Variants in RABGAP1L observed in about 807,000 individuals in gnomAD.
The protein encoded by RABGAP1L is rab GTPase-activating protein 1-like.
In RABGAP1L, 63 loss-of-function variants were observed where a neutral mutation model predicts 137.7. That is an observed-to-expected ratio of 0.46 (90% CI 0.37 to 0.56). The LOEUF (loss-of-function observed/expected upper bound fraction) is 0.56. RABGAP1L is among the 20% of genes least tolerant of loss of function. RABGAP1L has a pLI of 0.00. For synonymous variants in RABGAP1L, 431 were observed against 433.7 expected (o/e 0.99, Z 0.08); for missense variants, 1,095 against 1,244.0 (o/e 0.88, Z 1.80).
intron 13 of RABGAP1L, among the ~76,000 whole-genome samples, chr1:174,565,168 G>A (rs1259307413): frequency 6.6e-6 from 1 of 152,106 alleles, no homozygotes; most frequent in African/African-American, 2.4e-5. Flanking sequence ...GGTGGAATAT[G>A]TGAGTTTTCT....
chr1:174,515,120 G>C (rs140617677), intron 13 of RABGAP1L, among the ~76,000 whole-genome samples: 2 of 152,090 alleles, frequency 1.3e-5, no homozygotes, highest in African/African-American at 4.8e-5. Flanking sequence ...TCAATGCGTT[G>C]TTATTTACTA....
intron 18 of RABGAP1L, among the ~76,000 whole-genome samples, chr1:174,759,608 A>C (rs1685058503): frequency 1.3e-5 from 2 of 151,888 alleles, no homozygotes; most frequent in East Asian, 3.9e-4. Context: ...AAAAAAAAAA[A>C]GAAAAAAAAT....
intron 13 of RABGAP1L, among the ~76,000 whole-genome samples, chr1:174,417,990 T>A (rs1650803955): frequency 6.6e-6 from 1 of 152,230 alleles, no homozygotes; most frequent in African/African-American, 2.4e-5. Context: ...ATAAAATTGC[T>A]TATCAAAGTT....
intron 11 of RABGAP1L, among the ~76,000 whole-genome samples, chr1:174,336,107 G>A (rs1681443991): frequency 6.6e-6 from 1 of 152,094 alleles, no homozygotes; most frequent in Non-Finnish European, 1.5e-5. Context: ...ATAGAAACAA[G>A]TTTGCAAATG....
At chr1:174,832,929 A>G (rs576918654) in intron 19 of RABGAP1L, among the ~76,000 whole-genome samples, 1 of 152,344 alleles carries the variant, frequency 6.6e-6, no homozygotes, top group African/African-American at 2.4e-5. Context: ...TCATTTAATC[A>G]TCACAACACC....
At chr1:174,548,022 A>G in intron 13 of RABGAP1L, 15 of 1,550,564 alleles carry the variant, frequency 9.7e-6, no homozygotes, top group Non-Finnish European at 1.3e-5. Flanking sequence ...ATGTCCTAAA[A>G]CACCAACTTA....
At chr1:174,169,756 C>T (rs1210475213) in intron 1 of RABGAP1L, among the ~76,000 whole-genome samples, 1 of 152,126 alleles carries the variant, frequency 6.6e-6, no homozygotes, top group Non-Finnish European at 1.5e-5. Flanking sequence ...GTGGCACGGT[C>T]ATAGCTCATT....
At chr1:174,972,731 G>A (rs545908512) in intron 21 of RABGAP1L, among the ~76,000 whole-genome samples, 231 of 151,752 alleles carry the variant, frequency 1.5e-3, no homozygotes, top group African/African-American at 5.3e-3. Flanking sequence ...GCATGCGCCC[G>A]TAATCCCAGC....
chr1:174,314,935 T>C (rs1188600850), intron 11 of RABGAP1L, among the ~76,000 whole-genome samples: 1 of 152,190 alleles, frequency 6.6e-6, no homozygotes, highest in African/African-American at 2.4e-5. Context: ...GAGAATCATC[T>C]GTGTTCTGAG....
chr1:174,680,009 C>T (rs531823306), intron 14 of RABGAP1L, among the ~76,000 whole-genome samples: 1 of 152,214 alleles, frequency 6.6e-6, no homozygotes, highest in South Asian at 2.1e-4. Context: ...ATATTCATGA[C>T]ACAAAAACAG....
chr1:174,953,943 A>C (rs910127947), intron 19 of RABGAP1L, among the ~76,000 whole-genome samples: 1 of 152,170 alleles, frequency 6.6e-6, no homozygotes, highest in African/African-American at 2.4e-5. Context: ...AAACTTGTTT[A>C]CTTATGTTGA....
chr1:174,915,574 A>T (rs1418825661), intron 19 of RABGAP1L, among the ~76,000 whole-genome samples: 1 of 152,176 alleles, frequency 6.6e-6, no homozygotes. Flanking sequence ...CTCCTGCCTC[A>T]GCCTCCCGAG....
intron 18 of RABGAP1L, among the ~76,000 whole-genome samples, chr1:174,803,940 G>T (rs1688998918): frequency 6.6e-6 from 1 of 152,104 alleles, no homozygotes; most frequent in South Asian, 2.1e-4. Context: ...AGGTGTGGGG[G>T]TGGGCGCCTG....
chr1:174,537,917 C>G (rs1665021793), intron 13 of RABGAP1L, among the ~76,000 whole-genome samples: 1 of 152,144 alleles, frequency 6.6e-6, no homozygotes, highest in Non-Finnish European at 1.5e-5. Context: ...AGGGCTCACC[C>G]AGTTAGTTAC....
chr1:174,722,335 G>A (rs368541356), intron 17 of RABGAP1L, among the ~76,000 whole-genome samples: 1 of 152,238 alleles, frequency 6.6e-6, no homozygotes, highest in South Asian at 2.1e-4. Flanking sequence ...ACACTTACAC[G>A]AATGGTATAT....
chr1:174,596,944 T>G (rs1479748049), intron 13 of RABGAP1L, among the ~76,000 whole-genome samples: 1 of 152,174 alleles, frequency 6.6e-6, no homozygotes, highest in African/African-American at 2.4e-5. Flanking sequence ...TGAATTTTAT[T>G]GAATGGTTTT....
intron 19 of RABGAP1L, among the ~76,000 whole-genome samples, chr1:174,833,308 T>TA (rs1692308361): frequency 1.3e-5 from 2 of 149,626 alleles, no homozygotes; most frequent in Non-Finnish European, 1.5e-5. Context: ...CAAGAGATCC[T>TA]CTCATCACAG....
At chr1:174,754,937 A>G (rs1283590852) in intron 18 of RABGAP1L, among the ~76,000 whole-genome samples, 1 of 152,216 alleles carries the variant, frequency 6.6e-6, no homozygotes, top group Non-Finnish European at 1.5e-5. Flanking sequence ...ACTCTGTGTT[A>G]AGTACTAACA....
intron 18 of RABGAP1L, among the ~76,000 whole-genome samples, chr1:174,805,829 A>G (rs1275463572): frequency 2.0e-5 from 3 of 152,032 alleles, no homozygotes; most frequent in African/African-American, 4.8e-5. Flanking sequence ...AAGCTGGTAG[A>G]GTTATTTTCT....
Sources: allele counts gnomAD v4.1 joint callset (sites outside exome capture counted in the v4.1 genomes callset), GRCh38; gene constraint gnomAD v4.1.1; transcripts MANE v1.5; gene names NCBI Gene and HGNC (gene_info 2026-07-23, HGNC 2026-07-21).